The following MGAT4C variants were observed in gnomAD, a reference collection of about 807,000 sequenced individuals.
The protein encoded by MGAT4C is MGAT4 family member C.
In MGAT4C, 19 loss-of-function variants were observed where a neutral mutation model predicts 40.1. The observed-to-expected ratio is 0.47, with a 90% CI of 0.33 to 0.70. The LOEUF is 0.70. MGAT4C is among the 30% of genes least tolerant of loss of function. The probability of loss-of-function intolerance (pLI) is 0.02; values close to 1 mark genes in which losing one functional copy is unlikely to be tolerated. For synonymous variants in MGAT4C, 181 were observed against 187.1 expected (o/e 0.97, Z 0.27); for missense variants, 491 against 563.2 (o/e 0.87, Z 1.30).
intron 2 of MGAT4C, among the ~76,000 whole-genome samples, chr12:86,563,679 G>C (rs2136412109): frequency 6.6e-6 from 1 of 152,318 alleles, no homozygotes; most frequent in Non-Finnish European, 1.5e-5. Flanking sequence ...GTGCTTTGGG[G>C]ATAGGGGAAT....
chr12:86,628,536 A>G (rs1962901437), intron 2 of MGAT4C, among the ~76,000 whole-genome samples: 1 of 152,334 alleles, frequency 6.6e-6, no homozygotes, highest in South Asian at 2.1e-4. Context: ...CATCAGACTA[A>G]TAGCAGATCT....
intron 1 of MGAT4C, among the ~76,000 whole-genome samples, chr12:86,837,927 TC>T (rs1205780182): frequency 1.3e-5 from 2 of 152,192 alleles, no homozygotes; most frequent in Non-Finnish European, 2.9e-5. Flanking sequence ...TTTTATCGGT[TC>T]TGTTGATATT....
chr12:86,255,661 T>A (rs569357399), intron 1 of MGAT4C, among the ~76,000 whole-genome samples: 1 of 152,238 alleles, frequency 6.6e-6, no homozygotes, highest in Non-Finnish European at 1.5e-5. Flanking sequence ...CTTAAAATTT[T>A]TCATTATTAT....
At position 85,983,624 on chromosome 12, in the gene MGAT4C, T is replaced by G; in HGVS notation, c.194A>C (p.Asn65Thr). 6.3e-7 allele frequency: 1 copy of G among 1,598,668 alleles called. No homozygotes were observed. Among genetic ancestry groups the G allele is most frequent in the Non-Finnish European group, 8.5e-7 (1 of 1,173,044 alleles). Residue 65 changes from asparagine to threonine, a missense_variant, in exon 4 of 5, where the codon AAT becomes ACT. Transcript: ENST00000611864. ...LIRETSTHQL[N>T]SERYVHTFKD... ...GAAAGTATGAACATAGCGTTCTGAA[T>G]TCAGTTGATGTGTGGATGTTTCCCT...
intron 4 of MGAT4C, among the ~76,000 whole-genome samples, chr12:86,303,430 T>C (rs1021025895): frequency 6.6e-6 from 1 of 150,408 alleles, no homozygotes; most frequent in Non-Finnish European, 1.5e-5. Context: ...GAAATCAGAA[T>C]CTTATAGTAG....
At chr12:86,039,913 G>C (rs1331318263) in intron 2 of MGAT4C, among the ~76,000 whole-genome samples, 1 of 152,100 alleles carries the variant, frequency 6.6e-6, no homozygotes, top group African/African-American at 2.4e-5. Context: ...TCTCTGAGTG[G>C]ATGTCCTTTT....
intron 2 of MGAT4C, among the ~76,000 whole-genome samples, chr12:86,627,599 C>T (rs1160452970): frequency 6.6e-6 from 1 of 152,186 alleles, no homozygotes; most frequent in East Asian, 1.9e-4. Context: ...CCCAGGCAAA[C>T]AGCATCTGGA....
intron 1 of MGAT4C, among the ~76,000 whole-genome samples, chr12:86,199,656 A>G (rs1012974101): frequency 1.3e-5 from 2 of 152,124 alleles, no homozygotes; most frequent in Non-Finnish European, 2.9e-5. Context: ...GAAATCATAT[A>G]CTATAGAACA....
At chr12:86,598,312 C>G (rs562144384) in intron 2 of MGAT4C, among the ~76,000 whole-genome samples, 2 of 152,090 alleles carry the variant, frequency 1.3e-5, no homozygotes, top group South Asian at 4.1e-4. Flanking sequence ...TCAAAGTATA[C>G]TTATTCCTTT....
intron 2 of MGAT4C, among the ~76,000 whole-genome samples, chr12:86,467,169 A>G (rs1219161620): frequency 6.6e-6 from 1 of 152,178 alleles, no homozygotes; most frequent in African/African-American, 2.4e-5. Context: ...AAACATGAAT[A>G]GAAGCAACAT....
At chr12:86,465,596 G>C (rs1043212507) in intron 2 of MGAT4C, among the ~76,000 whole-genome samples, 1 of 151,868 alleles carries the variant, frequency 6.6e-6, no homozygotes, top group East Asian at 1.9e-4. Flanking sequence ...TCATCAAAAA[G>C]GATACACAGA....
At chr12:86,498,265 A>C (rs1457893226) in intron 2 of MGAT4C, among the ~76,000 whole-genome samples, 1 of 151,608 alleles carries the variant, frequency 6.6e-6, no homozygotes, top group Non-Finnish European at 1.5e-5. Flanking sequence ...CTAATCAGAT[A>C]TATACAGTTG....
intron 3 of MGAT4C, among the ~76,000 whole-genome samples, chr12:86,432,903 T>G (rs1957068465): frequency 6.6e-6 from 1 of 151,940 alleles, no homozygotes; most frequent in Admixed American, 6.6e-5. Context: ...TTTTTTTTCA[T>G]AAAATTGAAG....
chr12:86,416,734 A>G (rs750650937), intron 3 of MGAT4C, among the ~76,000 whole-genome samples: 2 of 152,108 alleles, frequency 1.3e-5, no homozygotes, highest in Non-Finnish European at 2.9e-5. Flanking sequence ...AAAGGACTAA[A>G]CAAGATACAA....
intron 3 of MGAT4C, among the ~76,000 whole-genome samples, chr12:86,400,991 T>C (rs527714384): frequency 2.0e-5 from 3 of 152,234 alleles, no homozygotes; most frequent in Admixed American, 6.5e-5. Context: ...CTTTTCCTTC[T>C]TGAATAAATT....
intron 1 of MGAT4C, among the ~76,000 whole-genome samples, chr12:86,798,825 GAATAA>G (rs1952175384): frequency 6.6e-6 from 1 of 151,676 alleles, no homozygotes; most frequent in African/African-American, 2.4e-5. Context: ...ATATCAACAT[GAATAA>G]AATAAAATAT....
intron 1 of MGAT4C, among the ~76,000 whole-genome samples, chr12:86,204,745 G>A (rs1950186778): frequency 6.6e-6 from 1 of 152,046 alleles, no homozygotes; most frequent in Non-Finnish European, 1.5e-5. Context: ...GGAAAGATGT[G>A]TAAATGTTTC....
intron 2 of MGAT4C, among the ~76,000 whole-genome samples, chr12:86,450,072 C>T (rs780209381): frequency 2.0e-5 from 3 of 151,950 alleles, no homozygotes; most frequent in Admixed American, 6.6e-5. Context: ...CATTGTATCT[C>T]ATTTTTGCCC....
At chr12:86,271,823 A>C (rs1183539551) in intron 4 of MGAT4C, among the ~76,000 whole-genome samples, 2 of 152,220 alleles carry the variant, frequency 1.3e-5, no homozygotes, top group Non-Finnish European at 2.9e-5. Context: ...AGTCATTAGA[A>C]AAGAATGGAA....
Sources: gnomAD v4.1 joint callset for allele counts (sites outside exome capture counted in the v4.1 genomes callset) on GRCh38, gnomAD v4.1.1 for gene constraint, MANE v1.5 for transcripts, NCBI Gene and HGNC (gene_info 2026-07-23, HGNC 2026-07-21) for gene names.